The following PPP2R3B variants were observed in gnomAD, a reference collection of about 807,000 sequenced individuals.
The protein encoded by PPP2R3B is protein phosphatase 2 regulatory subunit B''beta.
PPP2R3B carries 68 observed loss-of-function variants against 72.9 expected under a neutral mutation model. That is an observed-to-expected ratio of 0.93 (90% CI 0.77 to 1.14). The LOEUF (loss-of-function observed/expected upper bound fraction) is 1.14. Among genes scored for constraint, PPP2R3B ranks in the 50% most tolerant of loss-of-function variants. PPP2R3B has a pLI of 0.00. For missense variants in PPP2R3B, 1,018 were observed against 842.0 expected (o/e 1.21, Z -2.59); for synonymous variants, 466 against 375.8 (o/e 1.24, Z -2.78).
chrX:347,370 CAG>C (rs1166848176), intron 3 of PPP2R3B, 34 bp from the exon 4 acceptor site: 9 of 1,588,554 alleles, frequency 5.7e-6, no homozygotes, highest in African/African-American at 2.7e-5. Flanking sequence ...ACCACCCTCA[CAG>C]GGGGGTGGCT....
chrX:356,992 AGCGAAACATCTT>A (rs2071452118), intron 2 of PPP2R3B, among the ~76,000 whole-genome samples: 1 of 148,934 alleles, frequency 6.7e-6, no homozygotes, highest in Non-Finnish European at 1.5e-5. Context: ...ACACACACAT[AGCGAAACATCTT>A]GCTGTACCCT....
At chrX:383,858 A>AAAC (rs2072182814) in intron 1 of PPP2R3B, among the ~76,000 whole-genome samples, 4 of 149,038 alleles carry the variant, frequency 2.7e-5, no homozygotes, top group South Asian at 2.1e-4. Flanking sequence ...AAAAAAAAAA[A>AAAC]AAAAAAAAAC....
rs1378061121 is a variant in PPP2R3B, at chrX:347,612, T to G, written c.592A>C (p.Lys198Gln). Residue 198 changes from lysine to glutamine, a missense_variant, in exon 3 of 13, where the codon AAG (lysine) becomes CAG (glutamine). Physicochemically the swap from Lys to Gln is moderately conservative, Grantham distance 53. Coordinates refer to ENST00000390665, the MANE Select transcript of PPP2R3B (RefSeq NM_013239.5). ...GERTGSVSVHKFVAMWRKILQ... is the reference protein window; with the variant it reads ...GERTGSVSVHQFVAMWRKILQ... ...CACTTTCTCCACATGGCGACGAACT[T>G]GTGGACGGACACGGAGCCCGTGCGC... 7.6e-6 allele frequency: 12 copies of G among 1,580,484 alleles called. No homozygotes were observed. The highest frequency in any genetic ancestry group is 1.0e-5 in the Non-Finnish European group (12 of 1,162,678).
At chrX:374,319 G>C (rs1202792784) in intron 1 of PPP2R3B, among the ~76,000 whole-genome samples, 1 of 152,120 alleles carries the variant, frequency 6.6e-6, no homozygotes, top group Non-Finnish European at 1.5e-5. Context: ...GTGCAGCTGC[G>C]CCTCCACAAA....
intron 7 of PPP2R3B, 128 bp downstream of exon 7, chrX:345,388 C>T (rs1446439462): frequency 2.5e-5 from 32 of 1,297,820 alleles, no homozygotes; most frequent in South Asian, 1.7e-4. Context: ...GCGGCGAGTG[C>T]GAAGGAGAGG....
chrX:373,326 A>G (rs1235864159), intron 1 of PPP2R3B, among the ~76,000 whole-genome samples: 1 of 152,150 alleles, frequency 6.6e-6, no homozygotes, highest in African/African-American at 2.4e-5. Context: ...ACAGAGCAGC[A>G]CCCGGTTTTC....
chrX:347,227 C>A lies in PPP2R3B; in HGVS notation c.717+7G>T, dbSNP rs781509059. On this transcript the variant is annotated splice_region_variant and intron_variant, in intron 4 of 12. Transcript: ENST00000390665. The stretch of plus-strand genomic sequence containing the variant: ...ATAAGGCCTGTGGTGTAGACGCAGG[C>A]TCTCACCTGCAAGAAGGGGACAAAG... 3 of 1,611,196 alleles carry A rather than the reference C, an allele frequency of 1.9e-6. No homozygotes were observed. The East Asian group carries it at 6.7e-5, about 36-fold the overall frequency.
At chrX:358,435 G>C (rs1016086689) in intron 2 of PPP2R3B, among the ~76,000 whole-genome samples, 1 of 92,266 alleles carries the variant, frequency 1.1e-5, no homozygotes, top group Non-Finnish European at 2.5e-5. Context: ...GGGTCGGTGC[G>C]TGCAGGCACA....
intron 1 of PPP2R3B, among the ~76,000 whole-genome samples, chrX:369,918 C>T (rs911632706): frequency 4.6e-5 from 7 of 152,120 alleles, no homozygotes; most frequent in African/African-American, 7.2e-5. Flanking sequence ...GAATCAGGGA[C>T]GGGGGGTTTG....
At chrX:343,100 G>C (rs1279818059) in intron 7 of PPP2R3B, among the ~76,000 whole-genome samples, 1 of 9,994 alleles carries the variant, frequency 1.0e-4, no homozygotes, top group Non-Finnish European at 1.7e-4. Context: ...TCGCCAACGG[G>C]AGGCGGGAGG....
intron 1 of PPP2R3B, among the ~76,000 whole-genome samples, chrX:367,702 G>A (rs908274018): frequency 5.3e-5 from 8 of 152,238 alleles, no homozygotes; most frequent in African/African-American, 1.9e-4. Flanking sequence ...CGGATGAGCA[G>A]GCAACATCGA....
intron 1 of PPP2R3B, among the ~76,000 whole-genome samples, chrX:374,832 G>A (rs1351919254): frequency 6.6e-6 from 1 of 152,170 alleles, no homozygotes; most frequent in Non-Finnish European, 1.5e-5. Flanking sequence ...AACGCAGGAT[G>A]ACACGGATCT....
In PPP2R3B at chrX:364,676, C is replaced by G. The variant is rs745771002; in HGVS notation, c.325-3086G>C. ...GAGGTTGCAGTGAGCTGAGATCGCA[C>G]CACTGCACTCCAGCCTGGGCGACAG... On this transcript the variant is annotated intron_variant, in intron 1 of 12. Coordinates refer to ENST00000390665, the MANE Select transcript of PPP2R3B (RefSeq NM_013239.5). Among the ~76,000 whole-genome samples the G allele has an allele frequency of 2.5e-4, 25 of 100,830 alleles. 2 individuals are homozygous for G. The highest frequency in any genetic ancestry group is 9.2e-4 in the African/African-American group (20 of 21,664). The allele number at this position is 100,830 out of a possible 152,430, so 66.1% of individuals were successfully genotyped here. A position where few individuals can be genotyped will look rare whatever the true frequency, so the allele number is the denominator to read the frequency against.
chrX:342,003 A>C, intron 7 of PPP2R3B, 72 bp from the exon 8 acceptor site: 1 of 1,583,234 alleles, frequency 6.3e-7, no homozygotes, highest in Non-Finnish European at 8.7e-7. Flanking sequence ...CCCGGAGCCG[A>C]GACTGGATGC....
intron 1 of PPP2R3B, chrX:373,595 C>T (rs1320225178): frequency 3.4e-6 from 1 of 293,054 alleles, no homozygotes; most frequent in Non-Finnish European, 7.2e-6. Flanking sequence ...AGCCGCGGGC[C>T]AGTGAGGCCA....
chrX:335,775 C>A (rs1033118082), intron 12 of PPP2R3B: 1 of 152,236 alleles, frequency 6.6e-6, no homozygotes, highest in Admixed American at 6.5e-5. Context: ...GTGAGAGACG[C>A]TATCACTGGA....
chrX:345,376 G>A (rs117686511), intron 7 of PPP2R3B, 140 bp downstream of exon 7: 1 of 1,183,184 alleles, frequency 8.5e-7, no homozygotes, highest in Non-Finnish European at 1.2e-6. Flanking sequence ...TGCAGACACA[G>A]AGCGGCGAGT....
chrX:350,526 G>A (rs1464240911), intron 2 of PPP2R3B, among the ~76,000 whole-genome samples: 1 of 149,688 alleles, frequency 6.7e-6, no homozygotes, highest in African/African-American at 2.6e-5. Context: ...CAGTGAGAAA[G>A]AGGCCCGAAC....
chrX:372,205 G>A (rs981274908), intron 1 of PPP2R3B, among the ~76,000 whole-genome samples: 23 of 152,326 alleles, frequency 1.5e-4, no homozygotes, highest in African/African-American at 4.8e-4. Flanking sequence ...GGATTTTAAA[G>A]ACACCAGCCT....
Sources: gnomAD v4.1 joint callset for allele counts (sites outside exome capture counted in the v4.1 genomes callset) on GRCh38, gnomAD v4.1.1 for gene constraint, MANE v1.5 for transcripts, NCBI Gene and HGNC (gene_info 2026-07-23, HGNC 2026-07-21) for gene names.